The following PDGFB variants were observed in gnomAD, a reference collection of about 807,000 sequenced individuals.
PDGFB encodes platelet-derived growth factor subunit B.
In PDGFB, 6 loss-of-function variants were observed where a neutral mutation model predicts 29.0. That is an observed-to-expected ratio of 0.21 (90% confidence interval 0.11 to 0.41). The LOEUF (loss-of-function observed/expected upper bound fraction) is 0.41, where lower values mean the gene tolerates loss of function less well. Ranked by LOEUF, PDGFB falls within the 10% of genes least tolerant of loss-of-function variation. The pLI, the probability that PDGFB is intolerant of heterozygous loss-of-function variation, is 1.00. For missense variants in PDGFB, 299 were observed against 341.8 expected (o/e 0.87, Z 0.99); for synonymous variants, 144 against 140.8 (o/e 1.02, Z -0.16).
intron 1 of PDGFB, among the ~76,000 whole-genome samples, chr22:39,237,845 G>A (rs1216856780): frequency 2.0e-5 from 3 of 152,212 alleles, no homozygotes; most frequent in Admixed American, 6.5e-5. Context: ...AAGAACATTC[G>A]ATTCAATTCT....
At position 39,243,229 on chromosome 22, in the gene PDGFB, T is replaced by C. The variant is rs1359912611; in HGVS notation, c.63+672A>G. Among the ~76,000 whole-genome samples the C allele has an allele frequency of 6.6e-6, 1 of 150,766 alleles. No homozygotes were observed. Among genetic ancestry groups the C allele is most frequent in the Non-Finnish European group, 1.5e-5 (1 of 67,622 alleles). On this transcript the variant is annotated intron_variant, in intron 1 of 6. Coordinates refer to ENST00000331163, the MANE Select transcript of PDGFB (RefSeq NM_002608.4). The surrounding 1 kb of genome is among the most constrained non-coding windows in gnomAD (Gnocchi z 6.4). ...ACCTGCGTCTCTATCTTTCTCTCCC[T>C]CTCTCTCTCCGTCTCTCTCTCCGTC...
chr22:39,244,738 GA>G lies in PDGFB; in HGVS notation c.-776del, dbSNP rs2146460521. 1.3e-5 allele frequency: 2 copies of G among 148,286 alleles called. No homozygotes were observed. Among genetic ancestry groups the G allele is most frequent in the African/African-American group, 9.1e-5 (2 of 21,866 alleles). The allele number at this position is 148,286 out of a possible 1,614,324, so 9.2% of individuals were successfully genotyped here. The stretch of plus-strand genomic sequence containing the variant: ...GCGTCCTCTGCGGGCTGCGGGCTGC[GA>G]GCTGCGAGCTGCGAGCTGCGGCTGC... On this transcript the variant is annotated 5_prime_UTR_variant, in exon 1 of 7. Transcript: ENST00000331163. The surrounding 1 kb of genome is among the most constrained non-coding windows in gnomAD (Gnocchi z 4.5).
In PDGFB at chr22:39,225,325, G is replaced by T. The variant is rs1228023438; in HGVS notation, c.*29-12C>A. The T allele has an allele frequency of 6.0e-6, 1 of 167,540 alleles. No homozygotes were observed. The highest frequency in any genetic ancestry group is 1.3e-5 in the Non-Finnish European group (1 of 78,028). The allele number at this position is 167,540 out of a possible 1,614,324, so 10.4% of individuals were successfully genotyped here. On this transcript the variant is annotated splice_polypyrimidine_tract_variant and intron_variant, in intron 6 of 6. Transcript: ENST00000331163. Reference sequence around the variant, plus strand: ...CATATTAAATAACCCTGCAGGCCAAGCAGAGAGACACAGGGGTCAGAGACA... The same window carrying T: ...CATATTAAATAACCCTGCAGGCCAATCAGAGAGACACAGGGGTCAGAGACA...
At chr22:39,230,266 A>C in intron 4 of PDGFB, 38 bp from the exon 5 acceptor site, 1 of 1,609,752 alleles carries the variant, frequency 6.2e-7, no homozygotes, top group Non-Finnish European at 8.5e-7. Context: ...TGTAGAGACC[A>C]CACAGCCAGG....
In PDGFB at chr22:39,244,261, A is replaced by C; in HGVS notation, c.-298T>G. On this transcript the variant is annotated 5_prime_UTR_variant, in exon 1 of 7. Transcript: ENST00000331163. This position sits in a 1 kb window ranked among gnomAD's most constrained non-coding sequence, Gnocchi z 4.5. ...CCACGGCCGGGGGGCTGCGTCGCGA[A>C]CCAGCCGAGGCGTCTAGCCGTGTGG... 4.3e-6 allele frequency: 1 copy of C among 230,184 alleles called. No individual in the cohort carries two copies. Among genetic ancestry groups the C allele is most frequent in the Non-Finnish European group, 8.5e-6 (1 of 117,408 alleles). 14.3% of individuals were successfully genotyped at this position (230,184 alleles called of 1,614,324 possible).
At chr22:39,237,295 G>A (rs898625289) in intron 1 of PDGFB, among the ~76,000 whole-genome samples, 3 of 132,316 alleles carry the variant, frequency 2.3e-5, no homozygotes, top group African/African-American at 8.3e-5. Flanking sequence ...AAGACTCAGG[G>A]CGGGGGGTGG....
chr22:39,230,581 T>C (rs1341559815), intron 4 of PDGFB, among the ~76,000 whole-genome samples: 4 of 152,052 alleles, frequency 2.6e-5, no homozygotes, highest in Non-Finnish European at 5.9e-5. Context: ...GATGGTTGTC[T>C]GGAAGGAAGT....
At chr22:39,239,157 C>G (rs1178031805) in intron 1 of PDGFB, among the ~76,000 whole-genome samples, 1 of 152,180 alleles carries the variant, frequency 6.6e-6, no homozygotes, top group Non-Finnish European at 1.5e-5. Context: ...AATGAGTTGT[C>G]ACTGTCATCA....
chr22:39,231,910 C>T lies in PDGFB; in HGVS notation c.251-83G>A, dbSNP rs893510147. On this transcript the variant is annotated intron_variant, in intron 3 of 6. Coordinates refer to ENST00000331163, the MANE Select transcript of PDGFB (RefSeq NM_002608.4). This position sits in a 1 kb window ranked among gnomAD's most constrained non-coding sequence, Gnocchi z 4.3. ...GGCAGGGGAGCTCAGCGGGTGCCTC[C>T]GGGACTGCTCTTTCTCACGCCCTTC... is the stretch of plus-strand genomic sequence containing the variant. 2.2e-5 allele frequency: 26 copies of T among 1,158,370 alleles called. No homozygotes were observed. Among genetic ancestry groups the T allele is most frequent in the African/African-American group, 3.0e-5 (2 of 65,698 alleles). The allele number at this position is 1,158,370 out of a possible 1,614,324, so 71.8% of individuals were successfully genotyped here.
rs1420501684 is a variant in PDGFB at position 39,225,755 on chromosome 22, T to C, written c.694A>G (p.Lys232Glu). The change falls in exon 6 of 7, where the codon AAG (lysine) becomes GAG (glutamate). Residue 232 changes from lysine (K) to glutamate (E), a missense_variant. Coordinates refer to ENST00000331163, the MANE Select transcript of PDGFB (RefSeq NM_002608.4). The part of the protein sequence containing the change: ...KHRKFKHTHD[K>E]TALKETLGA ...CCAAGGGTCTCCTTCAGTGCCGTCT[T>C]GTCATGCGTGTGCTTGAATTTCCGG... The C allele has an allele frequency of 6.2e-7, 1 of 1,614,034 alleles. No individual in the cohort carries two copies. Among genetic ancestry groups the C allele is most frequent in the Non-Finnish European group, 8.5e-7 (1 of 1,180,016 alleles).
chr22:39,232,520 T>G (rs896097507), intron 3 of PDGFB, among the ~76,000 whole-genome samples: 1 of 151,788 alleles, frequency 6.6e-6, no homozygotes, highest in African/African-American at 2.4e-5. Context: ...AGACGGAGTC[T>G]TGCTCTGTCG....
intron 5 of PDGFB, among the ~76,000 whole-genome samples, chr22:39,227,347 G>C (rs1932193433): frequency 6.6e-6 from 1 of 152,262 alleles, no homozygotes; most frequent in African/African-American, 2.4e-5. Flanking sequence ...ACCTGCCTTG[G>C]CCTCCCAAAG....
In PDGFB at chr22:39,240,394, A is replaced by C. The variant is rs924650242; in HGVS notation, c.63+3507T>G. Among the ~76,000 whole-genome samples the C allele has an allele frequency of 2.0e-5, 3 of 151,872 alleles. No homozygotes were observed. In the East Asian group the frequency reaches 5.8e-4, roughly 29 times the overall value. ...GAAACTTAGCCCCAGCTAAAGATAC[A>C]CAGAACCTTTGCAGTCTGATTTTCT... On this transcript the variant is annotated intron_variant, in intron 1 of 6. Transcript: ENST00000331163.
Position 39,231,532 on chromosome 22 carries a change from G to T in PDGFB, c.456+90C>A. On this transcript the variant is annotated intron_variant, in intron 4 of 6. Coordinates refer to ENST00000331163, the MANE Select transcript of PDGFB (RefSeq NM_002608.4). The surrounding 1 kb of genome is among the most constrained non-coding windows in gnomAD (Gnocchi z 4.3). The stretch of plus-strand genomic sequence containing the variant: ...GTCCTTCGACACACCACTCTGCCCA[G>T]TCAAGGAAGCCTGGTCAGGTATGAG... 1.0e-6 allele frequency: 1 copy of T among 985,936 alleles called. No homozygotes were observed. Among genetic ancestry groups the T allele is most frequent in the Non-Finnish European group, 1.5e-6 (1 of 678,608 alleles). 61.1% of individuals were successfully genotyped at this position (985,936 alleles called of 1,614,324 possible). A position where few individuals can be genotyped will look rare whatever the true frequency, so the allele number is the denominator to read the frequency against.
chr22:39,240,693 T>G (rs768413924), intron 1 of PDGFB, among the ~76,000 whole-genome samples: 1 of 151,868 alleles, frequency 6.6e-6, no homozygotes, highest in Non-Finnish European at 1.5e-5. Context: ...CTGGGCACTG[T>G]TCTAAAAGTG....
intron 2 of PDGFB, among the ~76,000 whole-genome samples, chr22:39,234,385 G>A (rs1932389906): frequency 1.3e-5 from 2 of 152,192 alleles, no homozygotes; most frequent in Admixed American, 1.3e-4. Context: ...CTCTGAGCTG[G>A]ATGTTAAGGC....
intron 1 of PDGFB, among the ~76,000 whole-genome samples, chr22:39,241,342 G>A (rs1407768766): frequency 6.6e-6 from 1 of 152,226 alleles, no homozygotes; most frequent in Non-Finnish European, 1.5e-5. Context: ...GACTCTCCCA[G>A]CACTGGCCAT....
chr22:39,236,153 C>G (rs545236165), intron 1 of PDGFB, among the ~76,000 whole-genome samples: 1 of 152,320 alleles, frequency 6.6e-6, no homozygotes, highest in African/African-American at 2.4e-5. Context: ...ATGTCTGTCT[C>G]CCCCACCAAA....
At chr22:39,240,461 A>T (rs1195360878) in intron 1 of PDGFB, among the ~76,000 whole-genome samples, 1 of 152,126 alleles carries the variant, frequency 6.6e-6, no homozygotes, top group Non-Finnish European at 1.5e-5. Context: ...CTGGTAGCCC[A>T]AGTCCCAAGA....
Sources: gnomAD v4.1 joint callset for allele counts (sites outside exome capture counted in the v4.1 genomes callset) on GRCh38, gnomAD v4.1.1 for gene constraint, Gnocchi (gnomAD v3.1) non-coding constraint, MANE v1.5 for transcripts, NCBI Gene and HGNC (gene_info 2026-07-23, HGNC 2026-07-21) for gene names.